CCDC171: variants seen among roughly 807,000 people sequenced by gnomAD.
The protein encoded by CCDC171 is coiled-coil domain containing 171.
A neutral mutation model predicts 168.2 loss-of-function variants in CCDC171; 177 were observed. The observed-to-expected ratio is 1.05, with a 90% CI of 0.93 to 1.19. CCDC171 has a LOEUF of 1.19. Ranked by LOEUF, CCDC171 falls within the 50% of genes most tolerant of loss-of-function variation. The probability of loss-of-function intolerance (pLI) is 0.00; values close to 1 mark genes in which losing one functional copy is unlikely to be tolerated. For missense variants in CCDC171, 1,991 were observed against 1,539.0 expected (o/e 1.29, Z -4.91); for synonymous variants, 687 against 540.8 (o/e 1.27, Z -3.75).
intron 11 of CCDC171, among the ~76,000 whole-genome samples, chr9:15,710,168 T>TAGTGTCATAAA: frequency 6.6e-6 from 1 of 152,342 alleles, no homozygotes; most frequent in African/African-American, 2.4e-5. Context: ...AAAAATTTCT[T>TAGTGTCATAAA]AGTGTCATAA....
intron 2 of CCDC171, among the ~76,000 whole-genome samples, chr9:15,564,906 G>A (rs2821545): frequency 0.52 from 79,287 of 151,908 alleles, 20,979 homozygotes; most frequent in East Asian, 0.81. Context: ...TGCATTAAAT[G>A]TATTTTACAA....
chr9:15,666,366 T>G (rs2048733745), intron 9 of CCDC171, 43 bp downstream of exon 9: 1 of 1,372,058 alleles, frequency 7.3e-7, no homozygotes, highest in African/African-American at 1.5e-5. Context: ...ACATAAAGAT[T>G]TTAAAAGAGC....
At chr9:15,633,003 C>T (rs2045867441) in intron 7 of CCDC171, among the ~76,000 whole-genome samples, 1 of 152,184 alleles carries the variant, frequency 6.6e-6, no homozygotes, top group Non-Finnish European at 1.5e-5. Context: ...CTTCCTTACC[C>T]ATTACACAAA....
At chr9:15,824,236 T>C (rs945219191) in intron 21 of CCDC171, among the ~76,000 whole-genome samples, 10 of 152,076 alleles carry the variant, frequency 6.6e-5, no homozygotes, top group Admixed American at 3.9e-4. Context: ...CTCTACAGTT[T>C]ATGTAAATAA....
At chr9:15,614,561 A>G (rs980416645) in intron 6 of CCDC171, among the ~76,000 whole-genome samples, 1 of 152,188 alleles carries the variant, frequency 6.6e-6, no homozygotes, top group Non-Finnish European at 1.5e-5. Context: ...TGTTGCTTTT[A>G]CGAAGGAAAG....
intron 25 of CCDC171, among the ~76,000 whole-genome samples, chr9:15,951,235 T>C (rs4333710): frequency 7.0e-6 from 1 of 142,486 alleles, no homozygotes. Context: ...AGTCAACAAG[T>C]ATACCCAGGA....
intron 7 of CCDC171, among the ~76,000 whole-genome samples, chr9:15,652,627 G>T (rs1343076697): frequency 6.6e-6 from 1 of 152,014 alleles, no homozygotes; most frequent in East Asian, 1.9e-4. Context: ...TTTTGATAGA[G>T]ACAGGGTTTT....
chr9:15,752,816 C>T (rs1268136404), intron 18 of CCDC171, among the ~76,000 whole-genome samples: 2 of 151,912 alleles, frequency 1.3e-5, no homozygotes, highest in Non-Finnish European at 2.9e-5. Context: ...GTGCAGCAAA[C>T]CAACATGGCT....
At chr9:15,654,214 C>A (rs1203409776) in intron 7 of CCDC171, among the ~76,000 whole-genome samples, 3 of 150,074 alleles carry the variant, frequency 2.0e-5, no homozygotes, top group Non-Finnish European at 4.4e-5. Context: ...AAAAAAAAAA[C>A]CAAAACTATT....
chr9:15,859,280 T>G (rs1397396287), intron 23 of CCDC171, among the ~76,000 whole-genome samples: 1 of 152,068 alleles, frequency 6.6e-6, no homozygotes, highest in East Asian at 1.9e-4. Context: ...GCTTTTGAAT[T>G]CAGTTGCTAA....
intron 24 of CCDC171, among the ~76,000 whole-genome samples, chr9:15,895,881 A>G (rs1299955079): frequency 1.3e-5 from 2 of 152,024 alleles, no homozygotes; most frequent in Admixed American, 6.6e-5. Flanking sequence ...GCAATTTATT[A>G]GTATTGGTGT....
At chr9:15,807,415 T>C (rs2059129488) in intron 21 of CCDC171, among the ~76,000 whole-genome samples, 1 of 152,202 alleles carries the variant, frequency 6.6e-6, no homozygotes, top group Admixed American at 6.5e-5. Context: ...AAGCAGTTAT[T>C]TGTTGTTTAA....
At chr9:15,950,292 C>T (rs957362266) in intron 25 of CCDC171, among the ~76,000 whole-genome samples, 10 of 151,964 alleles carry the variant, frequency 6.6e-5, no homozygotes, top group Admixed American at 5.3e-4. Flanking sequence ...AGATACTCCT[C>T]GAGAAGAGCA....
intron 25 of CCDC171, among the ~76,000 whole-genome samples, chr9:15,964,484 G>T (rs1830614805): frequency 6.6e-6 from 1 of 152,108 alleles, no homozygotes; most frequent in Non-Finnish European, 1.5e-5. Context: ...AGGGGAAAAT[G>T]CCCCTTTGCA....
chr9:15,837,404 A>G (rs2060497600), intron 21 of CCDC171, among the ~76,000 whole-genome samples: 1 of 152,204 alleles, frequency 6.6e-6, no homozygotes, highest in South Asian at 2.1e-4. Context: ...AAATGGTACT[A>G]TTTACTGAGT....
intron 10 of CCDC171, among the ~76,000 whole-genome samples, chr9:15,688,118 C>CAAAAAAA (rs33945014): frequency 1.1e-5 from 1 of 94,942 alleles, no homozygotes; most frequent in African/African-American, 3.9e-5. Flanking sequence ...GACTCCATCT[C>CAAAAAAA]AAAAAAAAAA....
At chr9:15,637,470 A>T (rs879460943) in intron 7 of CCDC171, among the ~76,000 whole-genome samples, 4 of 150,350 alleles carry the variant, frequency 2.7e-5, no homozygotes, top group African/African-American at 4.9e-5. Context: ...TGTTTATTTT[A>T]TTATTATTAT....
intron 3 of CCDC171, among the ~76,000 whole-genome samples, chr9:15,995,669 G>C (rs1832347789): frequency 6.6e-6 from 1 of 152,214 alleles, no homozygotes; most frequent in African/African-American, 2.4e-5. Context: ...TGATGACCTT[G>C]ACAAACTCAT....
At chr9:15,992,622 G>T (rs1564106810) in intron 3 of CCDC171, among the ~76,000 whole-genome samples, 1 of 152,054 alleles carries the variant, frequency 6.6e-6, no homozygotes. Flanking sequence ...AGAAATAAAG[G>T]GTATTCAACT....
Sources: gnomAD v4.1 joint callset for allele counts (sites outside exome capture counted in the v4.1 genomes callset) on GRCh38, gnomAD v4.1.1 for gene constraint, MANE v1.5 for transcripts, NCBI Gene and HGNC (gene_info 2026-07-23, HGNC 2026-07-21) for gene names.